CSMD1: variants seen among roughly 807,000 people sequenced by gnomAD.
CSMD1 encodes the protein CUB and sushi domain-containing protein 1.
A neutral mutation model predicts 417.5 loss-of-function variants in CSMD1; 213 were observed. That is an observed-to-expected ratio of 0.51 (90% CI 0.46 to 0.57). The LOEUF (loss-of-function observed/expected upper bound fraction) is 0.57. Among genes scored for constraint, CSMD1 ranks in the 20% least tolerant of loss-of-function variants. CSMD1 has a pLI of 0.00. For synonymous variants in CSMD1, 2,862 were observed against 1,736.8 expected, an observed-to-expected ratio of 1.65 and a Z score of -16.11; for missense variants, 6,923 against 4,529.7, an observed-to-expected ratio of 1.53 and a Z score of -15.17.
intron 3 of CSMD1, among the ~76,000 whole-genome samples, chr8:4,278,062 T>A (rs1480240354): frequency 6.6e-6 from 1 of 152,190 alleles, no homozygotes; most frequent in Admixed American, 6.5e-5. Context: ...TCCCTAACTT[T>A]AAATACAATA....
At chr8:3,696,663 T>C (rs1800571220) in intron 7 of CSMD1, among the ~76,000 whole-genome samples, 1 of 152,302 alleles carries the variant, frequency 6.6e-6, no homozygotes, top group Admixed American at 6.5e-5. Flanking sequence ...TTAAAGCTCA[T>C]CCATTTTGCA....
intron 2 of CSMD1, among the ~76,000 whole-genome samples, chr8:4,453,309 G>T (rs151280126): frequency 6.6e-6 from 1 of 151,944 alleles, no homozygotes; most frequent in East Asian, 1.9e-4. Flanking sequence ...GCAATCAACT[G>T]TCCCCAAGAA....
chr8:3,002,657 C>A (rs1050782315), intron 52 of CSMD1, among the ~76,000 whole-genome samples: 3 of 152,176 alleles, frequency 2.0e-5, no homozygotes, highest in Admixed American at 2.0e-4. Flanking sequence ...TCCTTTTAAA[C>A]CTTAATATTT....
intron 5 of CSMD1, among the ~76,000 whole-genome samples, chr8:3,945,285 G>A (rs901880779): frequency 6.6e-6 from 1 of 151,100 alleles, no homozygotes; most frequent in East Asian, 1.9e-4. Context: ...CATGTAAATT[G>A]AAATAATCAC....
chr8:3,266,893 C>A (rs1461446006), intron 26 of CSMD1, among the ~76,000 whole-genome samples: 1 of 151,846 alleles, frequency 6.6e-6, no homozygotes, highest in African/African-American at 2.4e-5. Context: ...AACACAAAAC[C>A]AGCTGGGTTG....
Position 3,537,150 on chromosome 8 carries a change from C to T in CSMD1, c.1344+37795G>A, listed in dbSNP as rs571960266. Among the ~76,000 whole-genome samples the T allele has an allele frequency of 5.3e-5, 8 of 152,134 alleles. No homozygotes were observed. The East Asian group carries it at 1.6e-3, about 29-fold the overall frequency. On this transcript the variant is annotated intron_variant, in intron 10 of 69. Coordinates refer to ENST00000635120, the MANE Select transcript of CSMD1 (RefSeq NM_033225.6). ...TCCCAAGTAGCTGGGACTACAGGTG[C>T]CCGCCACCACGCCCAGCTAATTTGT...
chr8:4,289,441 A>T (rs1460060791), intron 3 of CSMD1, among the ~76,000 whole-genome samples: 2 of 151,852 alleles, frequency 1.3e-5, no homozygotes, highest in Admixed American at 1.3e-4. Flanking sequence ...TTGCACAAAC[A>T]CTCTAAATGA....
chr8:4,775,794 G>A (rs1466203595), intron 1 of CSMD1, among the ~76,000 whole-genome samples: 1 of 152,136 alleles, frequency 6.6e-6, no homozygotes, highest in East Asian at 1.9e-4. Context: ...ACTGGGGATG[G>A]GTCCTCTTAG....
chr8:2,977,052 T>TA (rs200616883), intron 55 of CSMD1, among the ~76,000 whole-genome samples: 2,326 of 147,900 alleles, frequency 0.016, 43 homozygotes, highest in African/African-American at 0.052. Context: ...GAGGTTTTTT[T>TA]AAAAAAAAAA....
chr8:4,467,536 G>A (rs1052327995), intron 2 of CSMD1, among the ~76,000 whole-genome samples: 1 of 152,090 alleles, frequency 6.6e-6, no homozygotes, highest in Non-Finnish European at 1.5e-5. Context: ...TCTTTACTTA[G>A]CACATTAAAC....
chr8:4,005,023 T>G (rs199864423), intron 4 of CSMD1, among the ~76,000 whole-genome samples: 1 of 152,086 alleles, frequency 6.6e-6, no homozygotes, highest in Non-Finnish European at 1.5e-5. Context: ...TTATTCTAAG[T>G]GAAGTACTGA....
intron 2 of CSMD1, among the ~76,000 whole-genome samples, chr8:4,460,894 A>G (rs1799774614): frequency 6.6e-6 from 1 of 152,200 alleles, no homozygotes; most frequent in Non-Finnish European, 1.5e-5. Context: ...CAAAAATAGA[A>G]GAGGGATCAC....
intron 17 of CSMD1, among the ~76,000 whole-genome samples, chr8:3,394,651 G>A (rs918950742): frequency 2.0e-5 from 3 of 151,950 alleles, no homozygotes; most frequent in African/African-American, 7.3e-5. Context: ...GTGTGGGAGA[G>A]GATGAGAAAA....
chr8:4,114,752 G>A (rs1802043663), intron 3 of CSMD1, among the ~76,000 whole-genome samples: 1 of 152,174 alleles, frequency 6.6e-6, no homozygotes, highest in Non-Finnish European at 1.5e-5. Context: ...TTACAGTTGA[G>A]TTTCAAGAAT....
At chr8:4,560,545 C>T (rs1257075410) in intron 2 of CSMD1, among the ~76,000 whole-genome samples, 1 of 152,166 alleles carries the variant, frequency 6.6e-6, no homozygotes, top group Non-Finnish European at 1.5e-5. Context: ...CCTCTGCTAC[C>T]TGTAGATACA....
rs538415733 is a variant in CSMD1, at chr8:3,983,026, A to G, written c.818+14877T>C. ...TAGCCCAAGACAGCACAGCGGGATA[A>G]ATCATGGGGCCGGGATCCCAATCCA... On this transcript the variant is annotated intron_variant, in intron 5 of 69. Coordinates refer to ENST00000635120, the MANE Select transcript of CSMD1 (RefSeq NM_033225.6). 4.3e-4 allele frequency among the ~76,000 whole-genome samples: 65 copies of G among 152,322 alleles called. 2 individuals are homozygous for G. In the South Asian group the frequency reaches 0.013, roughly 31 times the overall value.
intron 3 of CSMD1, among the ~76,000 whole-genome samples, chr8:4,112,993 A>T (rs940919829): frequency 6.6e-6 from 1 of 152,112 alleles, no homozygotes; most frequent in Non-Finnish European, 1.5e-5. Flanking sequence ...TGTTGTTATT[A>T]TATCTGTTAT....
Position 4,083,427 on chromosome 8 carries a change from C to G in CSMD1, c.416-51328G>C, listed in dbSNP as rs568469540. On this transcript the variant is annotated intron_variant, in intron 3 of 69. Coordinates refer to ENST00000635120, the MANE Select transcript of CSMD1 (RefSeq NM_033225.6). ...ATAAATGTCTTCCGCATCACGCCAC[C>G]TGACTTCAAACTATACTACAAGGCT... Among the ~76,000 whole-genome samples the G allele has an allele frequency of 3.3e-5, 5 of 152,254 alleles. No homozygotes were observed. The East Asian group carries it at 9.7e-4, about 29-fold the overall frequency.
chr8:3,899,022 G>T (rs886714245), intron 5 of CSMD1, among the ~76,000 whole-genome samples: 3 of 152,100 alleles, frequency 2.0e-5, no homozygotes, highest in Admixed American at 6.6e-5. Context: ...AGCCACAAAG[G>T]TCGTACGCGT....
Sources: allele counts gnomAD v4.1 joint callset (sites outside exome capture counted in the v4.1 genomes callset), GRCh38; gene constraint gnomAD v4.1.1; transcripts MANE v1.5; gene names NCBI Gene and HGNC (gene_info 2026-07-23, HGNC 2026-07-21).